Variants in HECTD4 observed in about 807,000 individuals in gnomAD.
HECTD4 encodes HECT domain E3 ubiquitin protein ligase 4, also known as probable E3 ubiquitin-protein ligase HECTD4.
Under a neutral mutation model 471.5 loss-of-function variants are expected in HECTD4, and 114 were observed. The observed-to-expected ratio is 0.24, with a 90% confidence interval of 0.21 to 0.28. HECTD4 has a LOEUF of 0.28. Ranked by LOEUF, HECTD4 falls within the 10% of genes least tolerant of loss-of-function variation. The pLI, the probability that HECTD4 is intolerant of heterozygous loss-of-function variation, is 1.00. For missense variants in HECTD4, 3,866 were observed against 5,651.5 expected, an observed-to-expected ratio of 0.68 and a Z score of 10.13; for synonymous variants, 2,012 against 2,256.0, an observed-to-expected ratio of 0.89 and a Z score of 3.07.
intron 52 of HECTD4, among the ~76,000 whole-genome samples, chr12:112,207,213 G>A (rs563969718): frequency 6.6e-6 from 1 of 152,184 alleles, no homozygotes; most frequent in African/African-American, 2.4e-5. Context: ...GCACAATCTC[G>A]GCTCACTGCC....
chr12:112,350,656 C>A (rs959513142), intron 1 of HECTD4, among the ~76,000 whole-genome samples: 1 of 152,184 alleles, frequency 6.6e-6, no homozygotes, highest in South Asian at 2.1e-4. Flanking sequence ...AATCAAATAT[C>A]TTTATAGTGT....
At chr12:112,318,319 C>A (rs1211611619) in intron 2 of HECTD4, among the ~76,000 whole-genome samples, 1 of 151,660 alleles carries the variant, frequency 6.6e-6, no homozygotes, top group Non-Finnish European at 1.5e-5. Context: ...AAAAGCAACT[C>A]CAAGCATATT....
In HECTD4 at chr12:112,190,845, G is replaced by T. The variant is rs2032054153; in HGVS notation, c.9413C>A (p.Ser3138Tyr). Residue 3138 changes from serine to tyrosine, a missense_variant, in exon 60 of 76, where the codon TCC (serine) becomes TAC (tyrosine). Ser to Tyr is a moderately radical substitution (Grantham distance 144). Transcript: ENST00000682272. ...CGGAATGGTGTCAGGCTCATCTTCGGACTTCCCTTCACTGTCCTCTGATTT... is the reference window on the plus strand; with the variant it reads ...CGGAATGGTGTCAGGCTCATCTTCGTACTTCCCTTCACTGTCCTCTGATTT... The part of the protein sequence containing the change: ...SWKSEDSEGK[S>Y]EDEPDTIPTS... 3.8e-6 allele frequency: 6 copies of T among 1,586,288 alleles called. No homozygotes were observed. The highest frequency in any genetic ancestry group is 5.1e-6 in the Non-Finnish European group (6 of 1,166,342).
At chr12:112,345,192 G>GC in intron 1 of HECTD4, among the ~76,000 whole-genome samples, 1 of 151,966 alleles carries the variant, frequency 6.6e-6, no homozygotes, top group Non-Finnish European at 1.5e-5. Flanking sequence ...GGTTGAGGCT[G>GC]CAGTAAGCCA....
chr12:112,258,436 C>T (rs913919683), intron 20 of HECTD4, 60 bp downstream of exon 20: 1 of 1,214,670 alleles, frequency 8.2e-7, no homozygotes, highest in Non-Finnish European at 1.1e-6. Context: ...AAAAGGAGTA[C>T]TACGCTTTCA....
chr12:112,360,002 A>G (rs2036420385), intron 1 of HECTD4, among the ~76,000 whole-genome samples: 2 of 152,252 alleles, frequency 1.3e-5, no homozygotes, highest in South Asian at 2.1e-4. Flanking sequence ...ACTTTTCCCA[A>G]TTGATGCAAC....
At chr12:112,295,327 T>C (rs934304340) in intron 7 of HECTD4, among the ~76,000 whole-genome samples, 2 of 151,340 alleles carry the variant, frequency 1.3e-5, no homozygotes, top group African/African-American at 2.4e-5. Context: ...TTTTGTTTTA[T>C]ATAAAATATT....
intron 1 of HECTD4, among the ~76,000 whole-genome samples, chr12:112,329,846 G>A (rs958940961): frequency 2.0e-5 from 3 of 152,152 alleles, no homozygotes; most frequent in Non-Finnish European, 2.9e-5. Flanking sequence ...AGTGGCTCAC[G>A]TCTGTAATCT....
At position 112,319,311 on chromosome 12, in the gene HECTD4, T is replaced by C. The variant is rs2035542735; in HGVS notation, c.609A>G (p.Leu203=). 5 of 1,536,032 alleles carry C rather than the reference T, an allele frequency of 3.3e-6. No homozygotes were observed. Among genetic ancestry groups the C allele is most frequent in the East Asian group, 2.4e-5 (1 of 40,930 alleles). The part of the protein sequence containing the change: ...NGIETLLCSW[L]EETSDTGRHI... The stretch of plus-strand genomic sequence containing the variant: ...GTCGGCCTGTGTCAGAAGTCTCCTC[T>C]AGCCAAGAGCACAGCAAAGTTTCAA... The change falls in exon 2 of 76, where the codon CTA becomes CTG. Residue 203 remains leucine, a synonymous_variant. Coordinates refer to ENST00000682272, the MANE Select transcript of HECTD4 (RefSeq NM_001388303.1). The surrounding 1 kb of genome is among the most constrained non-coding windows in gnomAD (Gnocchi z 5.3).
chr12:112,183,712 G>C (rs1407360278), intron 61 of HECTD4, among the ~76,000 whole-genome samples: 1 of 152,194 alleles, frequency 6.6e-6, no homozygotes, highest in Non-Finnish European at 1.5e-5. Context: ...CTCTGATGCA[G>C]GATTTCTAAA....
intron 60 of HECTD4, among the ~76,000 whole-genome samples, chr12:112,186,594 C>T (rs1288373621): frequency 4.0e-5 from 6 of 151,682 alleles, no homozygotes; most frequent in Admixed American, 3.9e-4. Context: ...CCGCCTCAGT[C>T]TCCCAAAGTA....
chr12:112,370,241 A>G (rs1348523022), intron 1 of HECTD4, among the ~76,000 whole-genome samples: 1 of 152,196 alleles, frequency 6.6e-6, no homozygotes, highest in Admixed American at 6.5e-5. Context: ...ATGGGAACAG[A>G]TTCTCCCCTA....
chr12:112,322,792 C>T (rs1257454226), intron 1 of HECTD4: 1 of 153,270 alleles, frequency 6.5e-6, no homozygotes, highest in East Asian at 1.9e-4. Context: ...AAAAATTGGA[C>T]CCTCATCAAA....
intron 1 of HECTD4, among the ~76,000 whole-genome samples, chr12:112,374,003 C>CAAA (rs1007853408): frequency 1.6e-5 from 1 of 60,880 alleles, no homozygotes; most frequent in Non-Finnish European, 3.6e-5. Flanking sequence ...GACTCTGTCT[C>CAAA]AAAAAAAAAA....
In HECTD4 at chr12:112,274,909, C is replaced by T. The variant is rs2034495367; in HGVS notation, c.1739G>A (p.Arg580His). Residue 580 changes from arginine to histidine, a missense_variant, in exon 10 of 76, where the codon CGT becomes CAT. Transcript: ENST00000682272. Reference sequence around the variant, plus strand: ...TCCAGCAGCATCTATGAGATCTGCACGACTTGTAAACTGACCATCCGAAAT... The same window carrying T: ...TCCAGCAGCATCTATGAGATCTGCATGACTTGTAAACTGACCATCCGAAAT... ...YNISDGQFTS[R>H]ADLIDAAGSS... 8 of 1,550,256 alleles carry T rather than the reference C, an allele frequency of 5.2e-6. No homozygotes were observed. The highest frequency in any genetic ancestry group is 3.9e-5 in the Admixed American group (2 of 50,974).
intron 25 of HECTD4, 58 bp from the exon 26 acceptor site, chr12:112,248,570 G>T: frequency 8.9e-7 from 1 of 1,121,170 alleles, no homozygotes; most frequent in Non-Finnish European, 1.2e-6. Context: ...TCTCAATACT[G>T]TATTTTATTT....
chr12:112,245,288 C>T (rs1012822169), intron 29 of HECTD4, among the ~76,000 whole-genome samples: 1 of 152,216 alleles, frequency 6.6e-6, no homozygotes, highest in Non-Finnish European at 1.5e-5. Flanking sequence ...CAGGCATGAG[C>T]CACTGTGCCC....
intron 60 of HECTD4, 119 bp downstream of exon 60, chr12:112,190,667 C>A: frequency 2.5e-6 from 2 of 806,972 alleles, no homozygotes; most frequent in Non-Finnish European, 3.8e-6. Context: ...CTGAAGGAGG[C>A]TGCAGCTGCC....
chr12:112,220,418 T>C (rs1027266938), intron 44 of HECTD4, among the ~76,000 whole-genome samples: 2 of 151,690 alleles, frequency 1.3e-5, no homozygotes, highest in African/African-American at 2.4e-5. Context: ...GATTATGTAA[T>C]ATAAGGTACA....
Sources: allele counts gnomAD v4.1 joint callset (sites outside exome capture counted in the v4.1 genomes callset), GRCh38; gene constraint gnomAD v4.1.1; non-coding constraint Gnocchi (gnomAD v3.1); transcripts MANE v1.5; gene names NCBI Gene and HGNC (gene_info 2026-07-23, HGNC 2026-07-21).